PCDHA1: variants seen among roughly 807,000 people sequenced by gnomAD.
PCDHA1 encodes the protein protocadherin alpha-1.
Under a neutral mutation model 61.3 loss-of-function variants are expected in PCDHA1, and 42 were observed. The ratio of observed to expected loss-of-function variants is 0.69; its 90% confidence interval spans 0.54 to 0.89. PCDHA1 has a LOEUF of 0.89. PCDHA1 is among the 40% of genes least tolerant of loss of function. The pLI is 0.00. For missense variants in PCDHA1, 1,256 were observed against 1,235.3 expected, an observed-to-expected ratio of 1.02 and a Z score of -0.25; for synonymous variants, 610 against 553.8, an observed-to-expected ratio of 1.10 and a Z score of -1.43.
At chr5:140,842,571 G>T (rs1554139191) in intron 1 of PCDHA1, 2 of 1,508,202 alleles carry the variant, frequency 1.3e-6, no homozygotes, top group African/African-American at 1.5e-5. Context: ...GACCGCGAGA[G>T]AGTGTCGGCC....
At chr5:140,853,825 C>A (rs1465584755) in intron 1 of PCDHA1, 1 of 986,448 alleles carries the variant, frequency 1.0e-6, no homozygotes, top group Non-Finnish European at 1.2e-6. Flanking sequence ...GATTCTCATA[C>A]AACCGAAATT....
At chr5:140,850,748 G>T (rs2150496861) in intron 1 of PCDHA1, 2 of 1,597,980 alleles carry the variant, frequency 1.3e-6, no homozygotes, top group South Asian at 1.1e-5. Flanking sequence ...GGTCGTACTC[G>T]CAGCAGAGGA....
In PCDHA1 at chr5:140,980,207, CT is replaced by C. The variant is rs2096880359; in HGVS notation, c.2453+1204del. Among the ~76,000 whole-genome samples, 4 of 152,182 alleles carry C rather than the reference CT, an allele frequency of 2.6e-5. No individual in the cohort carries two copies. In the South Asian group the frequency reaches 8.3e-4, roughly 31 times the overall value. On this transcript the variant is annotated intron_variant, in intron 2 of 3. Coordinates refer to ENST00000504120, the MANE Select transcript of PCDHA1 (RefSeq NM_018900.4). ...TATATTTATTAGAGACCAACTTGTGCTTTTGCCTGCATCTGAGCTGTTGGTG... is the reference window on the plus strand; with the variant it reads ...TATATTTATTAGAGACCAACTTGTGCTTTGCCTGCATCTGAGCTGTTGGTG...
At chr5:140,890,136 T>C (rs1297709763) in intron 1 of PCDHA1, among the ~76,000 whole-genome samples, 4 of 152,148 alleles carry the variant, frequency 2.6e-5, no homozygotes, top group Non-Finnish European at 4.4e-5. Flanking sequence ...TAGCTTGAAA[T>C]TGGCCATGGT....
rs1554162489 is a variant in PCDHA1 at position 140,869,104 on chromosome 5, A to G, written c.2394+80420A>G. 2.5e-6 allele frequency: 4 copies of G among 1,601,646 alleles called. No individual in the cohort carries two copies. In the Admixed American group the frequency reaches 5.1e-5, roughly 21 times the overall value. On this transcript the variant is annotated intron_variant, in intron 1 of 3. Coordinates refer to ENST00000504120, the MANE Select transcript of PCDHA1 (RefSeq NM_018900.4). ...ATTTTGGAAGCCAATTTCGTATGCG[A>G]TGTTTGGTTTTCAGAGAAGGGGATT... is the stretch of plus-strand genomic sequence containing the variant.
chr5:140,796,470 C>T, intron 1 of PCDHA1: 1 of 1,612,184 alleles, frequency 6.2e-7, no homozygotes, highest in Non-Finnish European at 8.5e-7. Context: ...TGGGCGAGCG[C>T]GCGTTGTCGA....
chr5:140,828,549 C>T (rs1769814403), intron 1 of PCDHA1: 4 of 1,614,090 alleles, frequency 2.5e-6, no homozygotes, highest in Non-Finnish European at 2.5e-6. Flanking sequence ...TCTGTGTTTC[C>T]ACTGGAGGGC....
At chr5:140,821,538 C>G (rs966237749) in intron 1 of PCDHA1, 2 of 468,182 alleles carry the variant, frequency 4.3e-6, no homozygotes, top group Non-Finnish European at 7.4e-6. Context: ...AAAACACTTA[C>G]CCTTTCATCC....
intron 1 of PCDHA1, among the ~76,000 whole-genome samples, chr5:140,799,716 C>T (rs1581634729): frequency 6.6e-6 from 1 of 152,156 alleles, no homozygotes; most frequent in South Asian, 2.1e-4. Context: ...GAGTAAGTTG[C>T]AGTCCTGGCT....
intron 1 of PCDHA1, chr5:140,807,928 T>C (rs1183816260): frequency 1.2e-6 from 2 of 1,614,026 alleles, no homozygotes; most frequent in African/African-American, 2.7e-5. Flanking sequence ...GAACCATTTA[T>C]AAGGTGAGAT....
chr5:140,976,171 A>T (rs1356953697), intron 1 of PCDHA1, among the ~76,000 whole-genome samples: 1 of 152,218 alleles, frequency 6.6e-6, no homozygotes, highest in African/African-American at 2.4e-5. Flanking sequence ...TTAGTTTTGT[A>T]TTGTTTTAAA....
At chr5:140,793,237 A>T (rs1761757705) in intron 1 of PCDHA1, among the ~76,000 whole-genome samples, 1 of 152,226 alleles carries the variant, frequency 6.6e-6, no homozygotes, top group Admixed American at 6.5e-5. Context: ...GGGGAAAAGG[A>T]ATTATAAATG....
In PCDHA1 at chr5:140,829,168, A is replaced by G. The variant is rs113613407; in HGVS notation, c.2394+40484A>G. On this transcript the variant is annotated intron_variant, in intron 1 of 3. Coordinates refer to ENST00000504120, the MANE Select transcript of PCDHA1 (RefSeq NM_018900.4). ...CACTGACTTCCTTATCCTTGCCTGTACGTGAAGACGCTCAATTTGGTACTG... is the reference window on the plus strand; with the variant it reads ...CACTGACTTCCTTATCCTTGCCTGTGCGTGAAGACGCTCAATTTGGTACTG... The G allele has an allele frequency of 3.0e-3, 4,904 of 1,614,084 alleles. 121 individuals carry two copies. The African/African-American group carries it at 0.055, about 18-fold the overall frequency.
intron 1 of PCDHA1, among the ~76,000 whole-genome samples, chr5:140,931,648 T>G (rs1258876806): frequency 6.6e-6 from 1 of 152,014 alleles, no homozygotes; most frequent in African/African-American, 2.4e-5. Context: ...TGCTAATAAT[T>G]GTTGTGGGCT....
chr5:140,978,037 A>G (rs1260035731), intron 1 of PCDHA1, among the ~76,000 whole-genome samples: 12 of 152,322 alleles, frequency 7.9e-5, no homozygotes, highest in African/African-American at 2.4e-4. Flanking sequence ...GATACAAGAC[A>G]GTGATGGTGA....
intron 1 of PCDHA1, chr5:140,926,643 G>A (rs1292255848): frequency 4.9e-5 from 22 of 452,632 alleles, no homozygotes; most frequent in African/African-American, 3.9e-4. Flanking sequence ...CTCAACACCC[G>A]GCCGGCTCCG....
chr5:140,977,864 GGTAAGTATAAT>G (rs1175044090), intron 1 of PCDHA1, among the ~76,000 whole-genome samples: 1 of 152,140 alleles, frequency 6.6e-6, no homozygotes, highest in Non-Finnish European at 1.5e-5. Context: ...TACCAAATAT[GGTAAGTATAAT>G]GTAGAGGAAA....
At position 140,835,665 on chromosome 5, in the gene PCDHA1, C is replaced by A. The variant is rs2150241242; in HGVS notation, c.2394+46981C>A. On this transcript the variant is annotated intron_variant, in intron 1 of 3. Coordinates refer to ENST00000504120, the MANE Select transcript of PCDHA1 (RefSeq NM_018900.4). ...CGCCTATGAGCTGGTGGTTACCGCG[C>A]GGGACGGGGGCTCGCCTTCTCTGTG... 5 of 1,613,890 alleles carry A rather than the reference C, an allele frequency of 3.1e-6. No individual in the cohort carries two copies. In the East Asian group the frequency reaches 6.7e-5, roughly 22 times the overall value.
At chr5:140,920,249 G>A (rs782292641) in intron 1 of PCDHA1, among the ~76,000 whole-genome samples, 15 of 152,174 alleles carry the variant, frequency 9.9e-5, no homozygotes, top group Admixed American at 3.3e-4. Context: ...ACAATACATC[G>A]CTATAATAAT....
Sources: allele counts gnomAD v4.1 joint callset (sites outside exome capture counted in the v4.1 genomes callset), GRCh38; gene constraint gnomAD v4.1.1; transcripts MANE v1.5; gene names NCBI Gene and HGNC (gene_info 2026-07-23, HGNC 2026-07-21).